Variants in ZIC4 observed in about 807,000 individuals in gnomAD.
ZIC4 encodes the protein zinc finger protein ZIC 4.
In ZIC4, 15 loss-of-function variants were observed where a neutral mutation model predicts 28.8. That is an observed-to-expected ratio of 0.52 (90% confidence interval 0.35 to 0.80). The LOEUF is 0.80. Among genes scored for constraint, ZIC4 ranks in the 30% least tolerant of loss-of-function variants. The pLI, the probability that ZIC4 is intolerant of heterozygous loss-of-function variation, is 0.01. For missense variants in ZIC4, 512 were observed against 467.1 expected, an observed-to-expected ratio of 1.10 and a Z score of -0.89; for synonymous variants, 220 against 198.1, an observed-to-expected ratio of 1.11 and a Z score of -0.93.
intron 3 of ZIC4, chr3:147,393,379 G>C (rs941598696): frequency 1.3e-5 from 2 of 153,144 alleles, no homozygotes; most frequent in Non-Finnish European, 2.9e-5. Flanking sequence ...CATCACCCCC[G>C]CCCCCCGCCA....
intron 3 of ZIC4, 61 bp from the exon 4 acceptor site, chr3:147,391,307 C>A: frequency 2.0e-6 from 3 of 1,477,960 alleles, no homozygotes; most frequent in Non-Finnish European, 1.8e-6. Context: ...AGGTGCTTGC[C>A]ACCCTCCCCC....
At chr3:147,392,833 A>G (rs1002006069) in intron 3 of ZIC4, 1 of 152,222 alleles carries the variant, frequency 6.6e-6, no homozygotes, top group African/African-American at 2.4e-5. Flanking sequence ...CTACAGGAGC[A>G]CAGCTAGTAC....
chr3:147,394,014 C>T (rs2086984256), intron 3 of ZIC4: 1 of 453,676 alleles, frequency 2.2e-6, no homozygotes, highest in Admixed American at 2.4e-5. Context: ...AAATGAAACG[C>T]CATTAATATT....
chr3:147,401,582 A>G (rs1353420264), intron 2 of ZIC4, among the ~76,000 whole-genome samples: 1 of 152,170 alleles, frequency 6.6e-6, no homozygotes, highest in Non-Finnish European at 1.5e-5. Flanking sequence ...GAGGCTAGTC[A>G]CAAACAGACT....
intron 3 of ZIC4, chr3:147,392,380 A>G (rs2086945266): frequency 1.0e-6 from 1 of 985,332 alleles, no homozygotes; most frequent in Non-Finnish European, 1.2e-6. Flanking sequence ...TGCACGTTAG[A>G]GTGACAATAT....
intron 1 of ZIC4, chr3:147,405,744 G>A: frequency 1.9e-6 from 1 of 519,616 alleles, no homozygotes; most frequent in Non-Finnish European, 3.5e-6. Context: ...GGGTGAGGGA[G>A]GGCAAGGAGC....
Position 147,387,582 on chromosome 3 carries a change from T to C in ZIC4, c.*1277A>G, listed in dbSNP as rs1205209660. The C allele has an allele frequency of 6.6e-6, 1 of 152,600 alleles. No individual in the cohort carries two copies. Among genetic ancestry groups the C allele is most frequent in the Non-Finnish European group, 1.5e-5 (1 of 68,024 alleles). 9.5% of individuals were successfully genotyped at this position (152,600 alleles called of 1,614,324 possible). ...TTTTTCCCCTATTCACTGGGGTACTTGGATAAAATAAACAACAAGACAATT... is the reference window on the plus strand; with the variant it reads ...TTTTTCCCCTATTCACTGGGGTACTCGGATAAAATAAACAACAAGACAATT... On this transcript the variant is annotated 3_prime_UTR_variant, in exon 5 of 5. Transcript: ENST00000383075.
chr3:147,395,737 T>C, intron 3 of ZIC4, 115 bp downstream of exon 3: 1 of 1,480,890 alleles, frequency 6.8e-7, no homozygotes, highest in Non-Finnish European at 9.0e-7. Flanking sequence ...CCTTGGCTCA[T>C]GGAAACAACC....
chr3:147,401,965 C>T (rs115437230), intron 2 of ZIC4, among the ~76,000 whole-genome samples: 2,495 of 152,148 alleles, frequency 0.016, 44 homozygotes, highest in Non-Finnish European at 0.023. Context: ...ATTAAATCAT[C>T]CCCAGATAAT....
chr3:147,399,480 G>A (rs935893952), intron 2 of ZIC4, among the ~76,000 whole-genome samples: 3 of 152,080 alleles, frequency 2.0e-5, no homozygotes, highest in East Asian at 1.9e-4. Flanking sequence ...TTTACTATCC[G>A]CATCTTAACA....
chr3:147,390,820 G>C, intron 4 of ZIC4, 111 bp downstream of exon 4: 1 of 1,317,700 alleles, frequency 7.6e-7, no homozygotes, highest in Non-Finnish European at 1.0e-6. Context: ...AATCACAGAG[G>C]CAGCCCTAAT....
intron 3 of ZIC4, among the ~76,000 whole-genome samples, chr3:147,393,136 C>T (rs2086960679): frequency 6.6e-6 from 1 of 151,944 alleles, no homozygotes; most frequent in African/African-American, 2.4e-5. Flanking sequence ...CCCAACAACC[C>T]CCACCCCCAA....
chr3:147,400,783 C>G (rs556997390), intron 2 of ZIC4, among the ~76,000 whole-genome samples: 13 of 152,264 alleles, frequency 8.5e-5, no homozygotes, highest in Non-Finnish European at 1.9e-4. Context: ...CTTCCAGAGC[C>G]TGGGAAGCAG....
At chr3:147,404,948 T>C (rs2087245280) in intron 1 of ZIC4, among the ~76,000 whole-genome samples, 1 of 152,202 alleles carries the variant, frequency 6.6e-6, no homozygotes, top group Non-Finnish European at 1.5e-5. Context: ...AACTTGTCCC[T>C]GGCGGGCGCA....
intron 3 of ZIC4, chr3:147,394,032 G>A (rs1467763218): frequency 2.2e-6 from 1 of 451,782 alleles, no homozygotes; most frequent in South Asian, 1.6e-5. Flanking sequence ...ATTTGAAAAG[G>A]CAATTATTTT....
intron 2 of ZIC4, among the ~76,000 whole-genome samples, chr3:147,400,921 A>G (rs2087153178): frequency 6.6e-6 from 1 of 152,142 alleles, no homozygotes; most frequent in Non-Finnish European, 1.5e-5. Context: ...TGACTGAAAC[A>G]TTCTATTCCT....
chr3:147,392,580 C>T (rs752310144), intron 3 of ZIC4: 1 of 310,026 alleles, frequency 3.2e-6, no homozygotes, highest in Non-Finnish European at 4.7e-6. Context: ...GTTAAGGGAC[C>T]GGCTACCTAG....
intron 4 of ZIC4, chr3:147,389,137 C>A: frequency 1.8e-6 from 1 of 543,278 alleles, no homozygotes; most frequent in South Asian, 2.5e-5. Flanking sequence ...GCCTCTGGGC[C>A]CTATTGTATT....
rs950222882 is a variant in ZIC4 at position 147,391,411 on chromosome 3, G to C, written c.689-165C>G. ...GTCGAGCACCCCTTTCCCTCGTGCAGAGAGCGCCCCCGGTGCCCTCTCTTG... is the reference window on the plus strand; with the variant it reads ...GTCGAGCACCCCTTTCCCTCGTGCACAGAGCGCCCCCGGTGCCCTCTCTTG... On this transcript the variant is annotated intron_variant, in intron 3 of 4. Transcript: ENST00000383075. The C allele has an allele frequency of 9.1e-6, 8 of 876,244 alleles. No individual in the cohort carries two copies. The African/African-American group carries it at 1.4e-4, about 15-fold the overall frequency. 54.3% of individuals were successfully genotyped at this position (876,244 alleles called of 1,614,324 possible).
Sources: allele counts gnomAD v4.1 joint callset (sites outside exome capture counted in the v4.1 genomes callset), GRCh38; gene constraint gnomAD v4.1.1; transcripts MANE v1.5; gene names NCBI Gene and HGNC (gene_info 2026-07-23, HGNC 2026-07-21).